PARD3B: variants seen among roughly 807,000 people sequenced by gnomAD.
The protein encoded by PARD3B is partitioning defective 3 homolog B.
PARD3B carries 103 observed loss-of-function variants against 130.2 expected under a neutral mutation model. That is an observed-to-expected ratio of 0.79 (90% CI 0.67 to 0.93). PARD3B has a LOEUF of 0.93. PARD3B is among the 40% of genes least tolerant of loss of function. The probability of loss-of-function intolerance (pLI) is 0.00; values close to 1 mark genes in which losing one functional copy is unlikely to be tolerated. For synonymous variants in PARD3B, 583 were observed against 553.2 expected, an observed-to-expected ratio of 1.05 and a Z score of -0.76; for missense variants, 1,609 against 1,499.2, an observed-to-expected ratio of 1.07 and a Z score of -1.21.
At chr2:204,817,518 G>C (rs73066658) in intron 2 of PARD3B, among the ~76,000 whole-genome samples, 2,593 of 152,120 alleles carry the variant, frequency 0.017, 66 homozygotes, top group African/African-American at 0.057. Context: ...TGTTCCTTTT[G>C]GGAAGAAGCA....
intron 2 of PARD3B, among the ~76,000 whole-genome samples, chr2:204,703,372 A>G (rs1158977104): frequency 6.6e-6 from 1 of 152,236 alleles, no homozygotes; most frequent in Admixed American, 6.5e-5. Context: ...GTAAAGATAA[A>G]TAAGATGCTT....
intron 1 of PARD3B, among the ~76,000 whole-genome samples, chr2:204,584,235 C>T (rs1489186841): frequency 6.6e-6 from 1 of 152,146 alleles, no homozygotes; most frequent in African/African-American, 2.4e-5. Flanking sequence ...AGGGCCAGAC[C>T]TTGGATCAGG....
chr2:204,984,768 C>G (rs958131367), intron 3 of PARD3B, among the ~76,000 whole-genome samples: 2 of 151,988 alleles, frequency 1.3e-5, no homozygotes. Flanking sequence ...ACTTTAGGCA[C>G]TTAGATATGG....
intron 15 of PARD3B, among the ~76,000 whole-genome samples, chr2:205,245,121 G>A (rs369092154): frequency 6.6e-6 from 1 of 152,288 alleles, no homozygotes. Context: ...CCCTCAAGCT[G>A]GGGCCATCAC....
At chr2:205,371,417 T>A (rs547489170) in intron 18 of PARD3B, among the ~76,000 whole-genome samples, 1 of 152,296 alleles carries the variant, frequency 6.6e-6, no homozygotes, top group African/African-American at 2.4e-5. Context: ...AGTTTTGAAC[T>A]ATGGTCTGTA....
chr2:204,930,107 T>G (rs529445288), intron 2 of PARD3B, among the ~76,000 whole-genome samples: 1 of 152,058 alleles, frequency 6.6e-6, no homozygotes, highest in Non-Finnish European at 1.5e-5. Flanking sequence ...TTTTATGTTT[T>G]CAATTCCTCT....
At chr2:205,018,551 CA>C (rs1241746767) in intron 3 of PARD3B, among the ~76,000 whole-genome samples, 1 of 151,842 alleles carries the variant, frequency 6.6e-6, no homozygotes, top group Non-Finnish European at 1.5e-5. Context: ...ATTCCAGAAA[CA>C]TTTGATTTCA....
rs2042507862 is a variant in PARD3B, at chr2:204,799,980, A to G, written c.222+113698A>G. Among the ~76,000 whole-genome samples, 2 of 152,196 alleles carry G rather than the reference A, an allele frequency of 1.3e-5. No homozygotes were observed. Among genetic ancestry groups the G allele is most frequent in the South Asian group, 4.1e-4 (2 of 4,828 alleles). On this transcript the variant is annotated intron_variant, in intron 2 of 22. Coordinates refer to ENST00000406610, the MANE Select transcript of PARD3B (RefSeq NM_001302769.2). The surrounding 1 kb of genome is among the most constrained non-coding windows in gnomAD (Gnocchi z 4.1). Reference sequence around the variant, plus strand: ...CTCTACAATGCCCTGACACTGATGAACATCCACAAGCATCAAGGCCATCTA... The same window carrying G: ...CTCTACAATGCCCTGACACTGATGAGCATCCACAAGCATCAAGGCCATCTA...
At chr2:205,582,944 C>T (rs1437870994) in intron 22 of PARD3B, among the ~76,000 whole-genome samples, 2 of 152,116 alleles carry the variant, frequency 1.3e-5, no homozygotes, top group Admixed American at 1.3e-4. Context: ...TTGAACTGGC[C>T]ATTCTCAGAG....
intron 22 of PARD3B, among the ~76,000 whole-genome samples, chr2:205,561,833 C>A (rs1366623906): frequency 6.6e-6 from 1 of 152,188 alleles, no homozygotes; most frequent in East Asian, 1.9e-4. Context: ...ACGGGGTTTA[C>A]TGCCTTTTGA....
intron 3 of PARD3B, among the ~76,000 whole-genome samples, chr2:205,044,303 T>A (rs1698610657): frequency 6.9e-6 from 1 of 145,466 alleles, no homozygotes; most frequent in African/African-American, 2.5e-5. Context: ...TGATTTATAG[T>A]CCTTTGGGTA....
At chr2:205,245,506 C>T (rs968033058) in intron 15 of PARD3B, among the ~76,000 whole-genome samples, 2 of 151,968 alleles carry the variant, frequency 1.3e-5, no homozygotes, top group African/African-American at 4.8e-5. Context: ...GAAGAAACAA[C>T]CCAGTTAAAA....
chr2:205,015,120 C>G lies in PARD3B; in HGVS notation c.395-32461C>G, dbSNP rs1394109023. On this transcript the variant is annotated intron_variant, in intron 3 of 22. Transcript: ENST00000406610. This position sits in a 1 kb window ranked among gnomAD's most constrained non-coding sequence, Gnocchi z 4.5. Reference sequence around the variant, plus strand: ...CCAGAAGCCTTACCAATAACATAAACAGTTGATTAACACCTATTTTGTATG... The same window carrying G: ...CCAGAAGCCTTACCAATAACATAAAGAGTTGATTAACACCTATTTTGTATG... Among the ~76,000 whole-genome samples, 2 of 152,034 alleles carry G rather than the reference C, an allele frequency of 1.3e-5. No homozygotes were observed. The highest frequency in any genetic ancestry group is 3.9e-4 in the East Asian group (2 of 5,186).
At chr2:205,123,668 A>T (rs866122942) in intron 8 of PARD3B, among the ~76,000 whole-genome samples, 15 of 108,756 alleles carry the variant, frequency 1.4e-4, no homozygotes, top group African/African-American at 5.2e-4. Context: ...AAAAAAAAAA[A>T]AAAAATAAGT....
At position 205,039,531 on chromosome 2, in the gene PARD3B, G is replaced by A. The variant is rs568189798; in HGVS notation, c.395-8050G>A. ...GTCACCCAGGTTGGAGTGCAGTGGC[G>A]TGATCTCAGCTCACTGCAACCTCTG... On this transcript the variant is annotated intron_variant, in intron 3 of 22. Transcript: ENST00000406610. 1.6e-4 allele frequency among the ~76,000 whole-genome samples: 25 copies of A among 151,574 alleles called. No homozygotes were observed. In the South Asian group the frequency reaches 2.1e-3, roughly 13 times the overall value.
intron 4 of PARD3B, among the ~76,000 whole-genome samples, chr2:205,073,271 G>C (rs1319618801): frequency 6.6e-6 from 1 of 152,052 alleles, no homozygotes; most frequent in Non-Finnish European, 1.5e-5. Context: ...CTGTAAATCA[G>C]GGTGTGTTTT....
At chr2:204,753,038 T>C (rs1463495043) in intron 2 of PARD3B, among the ~76,000 whole-genome samples, 1 of 152,178 alleles carries the variant, frequency 6.6e-6, no homozygotes, top group Non-Finnish European at 1.5e-5. Flanking sequence ...TTTGGGTAAG[T>C]TTAGGTAACG....
rs1696573012 is a variant in PARD3B at position 205,021,213 on chromosome 2, T to A, written c.395-26368T>A. On this transcript the variant is annotated intron_variant, in intron 3 of 22. Transcript: ENST00000406610. The surrounding 1 kb of genome is among the most constrained non-coding windows in gnomAD (Gnocchi z 4.5). ...GAAAGGATGTCCTGAAAAGCACTAT[T>A]TTATATAGTTTGGTAGAAATACATC... is the stretch of plus-strand genomic sequence containing the variant. Among the ~76,000 whole-genome samples, 1 of 152,196 alleles carries A rather than the reference T, an allele frequency of 6.6e-6. No homozygotes were observed. Among genetic ancestry groups the A allele is most frequent in the African/African-American group, 2.4e-5 (1 of 41,448 alleles).
At chr2:204,583,188 C>T (rs1358239239) in intron 1 of PARD3B, among the ~76,000 whole-genome samples, 15 of 124,068 alleles carry the variant, frequency 1.2e-4, no homozygotes, top group East Asian at 6.8e-4. Context: ...ATGTTTATTG[C>T]GGCATTATTC....
Sources: gnomAD v4.1 joint callset for allele counts (sites outside exome capture counted in the v4.1 genomes callset) on GRCh38, gnomAD v4.1.1 for gene constraint, Gnocchi (gnomAD v3.1) non-coding constraint, MANE v1.5 for transcripts, NCBI Gene and HGNC (gene_info 2026-07-23, HGNC 2026-07-21) for gene names.